Variants in GSE1 observed in about 807,000 individuals in gnomAD.
The protein encoded by GSE1 is genetic suppressor element 1.
In GSE1, 32 loss-of-function variants were observed where a neutral mutation model predicts 112.6. The observed-to-expected ratio is 0.28, with a 90% CI of 0.21 to 0.38. The LOEUF (loss-of-function observed/expected upper bound fraction) is 0.38, where lower values mean the gene tolerates loss of function less well. Ranked by LOEUF, GSE1 falls within the 10% of genes least tolerant of loss-of-function variation. The pLI is 1.00. For missense variants in GSE1, 2,348 were observed against 1,699.2 expected, an observed-to-expected ratio of 1.38 and a Z score of -6.71; for synonymous variants, 1,115 against 735.6, an observed-to-expected ratio of 1.52 and a Z score of -8.35.
chr16:85,211,319 T>G (rs117548334), intron 1 of GSE1, among the ~76,000 whole-genome samples: 2,656 of 152,116 alleles, frequency 0.017, 26 homozygotes, highest in African/African-American at 0.033. Context: ...TTTGTTTTTT[T>G]TTTTTAAGGG....
intron 1 of GSE1, among the ~76,000 whole-genome samples, chr16:85,216,005 C>T (rs982884391): frequency 6.6e-6 from 1 of 152,186 alleles, no homozygotes; most frequent in Non-Finnish European, 1.5e-5. Flanking sequence ...ACACGTGTTC[C>T]CTTCAGCCCT....
intron 13 of GSE1, among the ~76,000 whole-genome samples, chr16:85,667,463 G>C (rs1431716430): frequency 6.6e-6 from 1 of 152,232 alleles, no homozygotes; most frequent in Non-Finnish European, 1.5e-5. Context: ...GCTGATTCCT[G>C]GGGGAGGGCA....
chr16:85,278,279 T>C (rs1164569725), intron 1 of GSE1, among the ~76,000 whole-genome samples: 1 of 152,202 alleles, frequency 6.6e-6, no homozygotes. Context: ...TTCTTGCTCC[T>C]GAGTAGTGAG....
rs1427836822 is a variant in GSE1, at chr16:85,239,591, C to T, written c.2283+67784C>T. ...GCCTTCAGGACTAAGCACCTTCCCA[C>T]CTAACCTGGGCTGCAGGAGATGAGG... On this transcript the variant is annotated intron_variant, in intron 1 of 2. Transcript: ENST00000637419. Among the ~76,000 whole-genome samples, 7 of 152,212 alleles carry T rather than the reference C, an allele frequency of 4.6e-5. No individual in the cohort carries two copies. In the South Asian group the frequency reaches 1.2e-3, roughly 27 times the overall value.
chr16:85,572,435 A>G (rs923629355), intron 1 of GSE1, among the ~76,000 whole-genome samples: 3 of 146,280 alleles, frequency 2.1e-5, no homozygotes, highest in Non-Finnish European at 4.5e-5. Context: ...CACACAGCAC[A>G]TACAACACAC....
chr16:85,558,888 T>G (rs1241569663), intron 1 of GSE1, among the ~76,000 whole-genome samples: 1 of 151,618 alleles, frequency 6.6e-6, no homozygotes. Context: ...GATGGAGTCT[T>G]GCTGTGTCGC....
At chr16:85,610,683 C>T (rs749664903), upstream of GSE1, among the ~76,000 whole-genome samples, 50 of 152,204 alleles carry the variant, frequency 3.3e-4, no homozygotes, top group South Asian at 8.3e-4. Context: ...CGCTGCTGCC[C>T]CCCGGCGGTT....
chr16:85,498,055 T>C (rs1251876997), intron 2 of GSE1, among the ~76,000 whole-genome samples: 1 of 143,316 alleles, frequency 7.0e-6, no homozygotes, highest in Non-Finnish European at 1.5e-5. Flanking sequence ...GGGGTGGGGG[T>C]GGGGTGGGTG....
At chr16:85,423,371 G>A (rs974281171) in intron 2 of GSE1, among the ~76,000 whole-genome samples, 3 of 152,152 alleles carry the variant, frequency 2.0e-5, no homozygotes, top group African/African-American at 4.8e-5. Flanking sequence ...CTGCTCTGCC[G>A]TGGCCTCATT....
rs550324057 is a variant in GSE1, at chr16:85,223,644, G to A, written c.2283+51837G>A. 8.6e-4 allele frequency among the ~76,000 whole-genome samples: 131 copies of A among 151,570 alleles called. 2 individuals are homozygous for A. In the South Asian group the frequency reaches 0.026, roughly 30 times the overall value. ...TATTTTTAGACAGTCTCGCTCTGTC[G>A]CCCAGGCTGGAGTGCAGTGGCGTGA... On this transcript the variant is annotated intron_variant, in intron 1 of 2. Transcript: ENST00000637419.
chr16:85,591,987 G>A (rs1682959987), intron 1 of GSE1, among the ~76,000 whole-genome samples: 1 of 152,126 alleles, frequency 6.6e-6, no homozygotes, highest in African/African-American at 2.4e-5. Flanking sequence ...GGATGCACTC[G>A]TTGTATTTAA....
chr16:85,472,659 C>A (rs1036518193), intron 2 of GSE1, among the ~76,000 whole-genome samples: 9 of 152,234 alleles, frequency 5.9e-5, no homozygotes, highest in Non-Finnish European at 1.0e-4. Context: ...CTGGCCTCCC[C>A]CTGTTGGAGC....
At position 85,359,780 on chromosome 16, in the gene GSE1, C is replaced by G. The variant is rs1013421569; in HGVS notation, c.2464+2137C>G. On this transcript the variant is annotated intron_variant, in intron 2 of 2. Transcript: ENST00000637419. ...GTCTGGCTCCCGCGCCGAACTCACC[C>G]TCGGCACACCAGGCTGCTTCCCTGA... 1.3e-5 allele frequency among the ~76,000 whole-genome samples: 2 copies of G among 152,164 alleles called. 1 individual carries two copies. The highest frequency in any genetic ancestry group is 1.3e-4 in the Admixed American group (2 of 15,286).
chr16:85,324,408 G>T (rs1386878898), intron 1 of GSE1, among the ~76,000 whole-genome samples: 3 of 151,934 alleles, frequency 2.0e-5, no homozygotes, highest in African/African-American at 7.3e-5. Context: ...TACTTGGGAG[G>T]CTGAGGCAGG....
intron 2 of GSE1, among the ~76,000 whole-genome samples, chr16:85,515,743 G>A (rs1328028226): frequency 1.3e-5 from 2 of 152,174 alleles, no homozygotes; most frequent in Admixed American, 6.5e-5. Flanking sequence ...AGGATGGGGT[G>A]GGGTGGAAAC....
chr16:85,235,059 G>C (rs772166322), intron 1 of GSE1, among the ~76,000 whole-genome samples: 11 of 152,060 alleles, frequency 7.2e-5, no homozygotes, highest in Non-Finnish European at 1.6e-4. Flanking sequence ...CTGTAGATGG[G>C]GGCGGGGTGT....
intron 1 of GSE1, among the ~76,000 whole-genome samples, chr16:85,284,409 A>T (rs145067594): frequency 8.5e-4 from 130 of 152,286 alleles, no homozygotes; most frequent in African/African-American, 3.0e-3. Flanking sequence ...GGACTCTGGG[A>T]GGTGCCAGGT....
intron 1 of GSE1, among the ~76,000 whole-genome samples, chr16:85,191,673 C>T (rs754637411): frequency 8.5e-5 from 13 of 152,330 alleles, no homozygotes; most frequent in Non-Finnish European, 1.0e-4. Context: ...GAACATCCCC[C>T]GGTGTTGCTA....
chr16:85,574,809 G>A (rs2046153133), intron 1 of GSE1, among the ~76,000 whole-genome samples: 1 of 152,256 alleles, frequency 6.6e-6, no homozygotes, highest in Non-Finnish European at 1.5e-5. Context: ...CTACAGCCAG[G>A]GTGGGAGGCA....
Sources: gnomAD v4.1 joint callset for allele counts (sites outside exome capture counted in the v4.1 genomes callset) on GRCh38, gnomAD v4.1.1 for gene constraint, MANE v1.5 for transcripts, NCBI Gene and HGNC (gene_info 2026-07-23, HGNC 2026-07-21) for gene names.